Variants in RUSC2 observed in about 807,000 individuals in gnomAD.
RUSC2 encodes RUN and SH3 domain containing 2.
RUSC2 carries 34 observed loss-of-function variants against 122.2 expected under a neutral mutation model. The ratio of observed to expected loss-of-function variants is 0.28; its 90% CI spans 0.21 to 0.37. The LOEUF is 0.37. Among genes scored for constraint, RUSC2 ranks in the 10% least tolerant of loss-of-function variants. The pLI is 1.00. For missense variants in RUSC2, 1,747 were observed against 1,952.4 expected, an observed-to-expected ratio of 0.89 and a Z score of 1.98; for synonymous variants, 784 against 790.0, an observed-to-expected ratio of 0.99 and a Z score of 0.13.
intron 2 of RUSC2, among the ~76,000 whole-genome samples, chr9:35,554,573 G>C (rs77182316): frequency 5.9e-5 from 9 of 152,296 alleles, no homozygotes; most frequent in East Asian, 3.9e-4. Flanking sequence ...CAAAGAAAAT[G>C]GTTCTGCCAT....
chr9:35,515,641 A>G (rs765836093), intron 1 of RUSC2, among the ~76,000 whole-genome samples: 5 of 152,178 alleles, frequency 3.3e-5, no homozygotes, highest in Non-Finnish European at 5.9e-5. Flanking sequence ...CAAGATCCTC[A>G]GTTTCCTCAA....
intron 1 of RUSC2, among the ~76,000 whole-genome samples, chr9:35,531,715 G>A (rs974410583): frequency 1.3e-5 from 2 of 152,228 alleles, no homozygotes; most frequent in Non-Finnish European, 2.9e-5. Flanking sequence ...GCATAGTAGC[G>A]GAAACATAGT....
At chr9:35,535,562 A>C (rs959801981) in intron 1 of RUSC2, among the ~76,000 whole-genome samples, 1 of 115,900 alleles carries the variant, frequency 8.6e-6, no homozygotes, top group Non-Finnish European at 1.7e-5. Flanking sequence ...TTTGAGACGG[A>C]GTCTCTTGCT....
Position 35,548,167 on chromosome 9 carries a change from A to G in RUSC2, c.1646A>G (p.Lys549Arg), listed in dbSNP as rs750071328. 20 of 1,613,328 alleles carry G rather than the reference A, an allele frequency of 1.2e-5. No homozygotes were observed. The East Asian group carries it at 4.2e-4, about 34-fold the overall frequency. The change falls in exon 2 of 12, where the codon AAG (lysine) becomes AGG (arginine). Residue 549 changes from lysine (K) to arginine (R), a missense_variant. Lys to Arg is a conservative substitution (Grantham distance 26, BLOSUM62 2). Transcript: ENST00000361226. This position sits in a 1 kb window ranked among gnomAD's most constrained non-coding sequence, Gnocchi z 4.5. Reference protein sequence around the residue: ...RRVTSFAELAKGRKKTGGSGS... With the variant: ...RRVTSFAELARGRKKTGGSGS... ...GTCACCTCCTTTGCCGAGCTGGCCA[A>G]GGGCCGGAAGAAAACTGGAGGCTCT...
chr9:35,498,720 G>C (rs757502434), intron 1 of RUSC2, among the ~76,000 whole-genome samples: 3 of 151,634 alleles, frequency 2.0e-5, no homozygotes, highest in Non-Finnish European at 4.4e-5. Flanking sequence ...AATTAGCCGG[G>C]TGTGGTGGTG....
intron 1 of RUSC2, among the ~76,000 whole-genome samples, chr9:35,535,342 C>T (rs1016432194): frequency 2.6e-5 from 4 of 151,974 alleles, no homozygotes; most frequent in Non-Finnish European, 5.9e-5. Context: ...TCTTGAACTC[C>T]TGACCTCAGG....
intron 1 of RUSC2, among the ~76,000 whole-genome samples, chr9:35,490,552 G>A (rs1820546181): frequency 6.6e-6 from 1 of 152,184 alleles, no homozygotes; most frequent in African/African-American, 2.4e-5. Context: ...GGTACCCCAA[G>A]TCCCTGTGAC....
rs1821981285 is a variant in RUSC2 at position 35,555,106 on chromosome 9, G to A, written c.2061G>A (p.Gln687=). 7 of 1,613,676 alleles carry A rather than the reference G, an allele frequency of 4.3e-6. No individual in the cohort carries two copies. The highest frequency in any genetic ancestry group is 5.9e-6 in the Non-Finnish European group (7 of 1,180,016). ...SRPVLRYSKE[Q]RPTTLPIQPF... ...CAGTCCTTCGCTACAGCAAGGAACA[G>A]AGGCCAACCACACTGCCCATCCAGC... Residue 687 remains glutamine (Q), a synonymous_variant, in exon 3 of 12, where the codon CAG becomes CAA. Transcript: ENST00000361226. The surrounding 1 kb of genome is among the most constrained non-coding windows in gnomAD (Gnocchi z 4.6).
chr9:35,510,804 T>G lies in RUSC2; in HGVS notation c.-93+20632T>G, dbSNP rs78476559. 3.5e-4 allele frequency among the ~76,000 whole-genome samples: 54 copies of G among 152,334 alleles called. No homozygotes were observed. In the East Asian group the frequency reaches 9.1e-3, roughly 26 times the overall value. On this transcript the variant is annotated intron_variant, in intron 1 of 11. Coordinates refer to ENST00000361226, the MANE Select transcript of RUSC2 (RefSeq NM_014806.5). ...GTTAGATTTCCCAGGTCCTGCCTCC[T>G]TTGGGTGGGCCCCTAGGGCTTGATG...
intron 1 of RUSC2, among the ~76,000 whole-genome samples, chr9:35,496,746 G>T (rs1564241215): frequency 6.6e-6 from 1 of 152,092 alleles, no homozygotes; most frequent in Non-Finnish European, 1.5e-5. Flanking sequence ...TCCTTCAACT[G>T]TCGCCCTGCA....
intron 8 of RUSC2, among the ~76,000 whole-genome samples, chr9:35,559,021 C>T (rs1822084906): frequency 6.6e-6 from 1 of 152,212 alleles, no homozygotes; most frequent in Non-Finnish European, 1.5e-5. Context: ...CAGGCTGACT[C>T]CACTCCAGGA....
chr9:35,498,160 T>G (rs1475747509), intron 1 of RUSC2, among the ~76,000 whole-genome samples: 4 of 21,138 alleles, frequency 1.9e-4, no homozygotes, highest in African/African-American at 2.6e-4. Flanking sequence ...TAGTTTTGGT[T>G]TTTTTTTTTT....
Position 35,558,610 on chromosome 9 carries a change from GC to G in RUSC2, c.3341+49del. 5 of 1,494,980 alleles carry G rather than the reference GC, an allele frequency of 3.3e-6. No homozygotes were observed. Among genetic ancestry groups the G allele is most frequent in the Non-Finnish European group, 2.8e-6 (3 of 1,072,260 alleles). The allele number at this position is 1,494,980 out of a possible 1,614,324, so 92.6% of individuals were successfully genotyped here. A position where few individuals can be genotyped will look rare whatever the true frequency, so the allele number is the denominator to read the frequency against. ...CAAGATCCCCTAAACAACTTGCCCT[GC>G]CCCCCACCCCCGGGCTCTGCCTGCA... is the stretch of plus-strand genomic sequence containing the variant. On this transcript the variant is annotated intron_variant, in intron 8 of 11. Transcript: ENST00000361226. The surrounding 1 kb of genome is among the most constrained non-coding windows in gnomAD (Gnocchi z 4.3).
intron 1 of RUSC2, among the ~76,000 whole-genome samples, chr9:35,507,358 C>A (rs1298185053): frequency 6.6e-6 from 1 of 152,128 alleles, no homozygotes; most frequent in Non-Finnish European, 1.5e-5. Context: ...ACTAGTAGTC[C>A]TTTAACTTCA....
At chr9:35,515,353 T>A (rs1587843124) in intron 1 of RUSC2, among the ~76,000 whole-genome samples, 1 of 152,282 alleles carries the variant, frequency 6.6e-6, no homozygotes, top group Non-Finnish European at 1.5e-5. Flanking sequence ...TTTTAGTACC[T>A]TGTCATTCAT....
chr9:35,538,351 C>G (rs931221595), intron 1 of RUSC2, among the ~76,000 whole-genome samples: 2 of 152,156 alleles, frequency 1.3e-5, no homozygotes, highest in African/African-American at 4.8e-5. Context: ...TCTAGGAAGG[C>G]CAGTGCTAAG....
chr9:35,559,006 T>C (rs1444996298), intron 8 of RUSC2, among the ~76,000 whole-genome samples: 1 of 152,240 alleles, frequency 6.6e-6, no homozygotes, highest in Non-Finnish European at 1.5e-5. Flanking sequence ...TTCTTAGGTC[T>C]ACTGCAGGCT....
intron 1 of RUSC2, among the ~76,000 whole-genome samples, chr9:35,498,158 G>T (rs151112229): frequency 3.6e-4 from 53 of 145,420 alleles, no homozygotes; most frequent in Admixed American, 7.6e-4. Context: ...TTTAGTTTTG[G>T]TTTTTTTTTT....
intron 1 of RUSC2, among the ~76,000 whole-genome samples, chr9:35,531,064 C>T (rs936245844): frequency 1.3e-5 from 2 of 151,988 alleles, no homozygotes; most frequent in Non-Finnish European, 2.9e-5. Flanking sequence ...TGGAGACCAT[C>T]CTGGCTAACA....
Sources: gnomAD v4.1 joint callset for allele counts (sites outside exome capture counted in the v4.1 genomes callset) on GRCh38, gnomAD v4.1.1 for gene constraint, Gnocchi (gnomAD v3.1) non-coding constraint, MANE v1.5 for transcripts, NCBI Gene and HGNC (gene_info 2026-07-23, HGNC 2026-07-21) for gene names.